PCDHGA8: variants seen among roughly 807,000 people sequenced by gnomAD.
PCDHGA8 encodes the protein protocadherin gamma subfamily A, 8, also known as protocadherin gamma-A8.
In PCDHGA8, 45 loss-of-function variants were observed where a neutral mutation model predicts 59.2. The observed-to-expected ratio is 0.76, with a 90% confidence interval of 0.60 to 0.98. The LOEUF (loss-of-function observed/expected upper bound fraction) is 0.98. PCDHGA8 is among the 50% of genes least tolerant of loss of function. The pLI, the probability that PCDHGA8 is intolerant of heterozygous loss-of-function variation, is 0.00. For synonymous variants in PCDHGA8, 531 were observed against 519.0 expected, an observed-to-expected ratio of 1.02 and a Z score of -0.32; for missense variants, 1,257 against 1,196.2, an observed-to-expected ratio of 1.05 and a Z score of -0.75.
intron 2 of PCDHGA8, among the ~76,000 whole-genome samples, chr5:141,500,939 G>T (rs2099804123): frequency 6.6e-6 from 1 of 151,680 alleles, no homozygotes; most frequent in South Asian, 2.1e-4. Context: ...CGCCATCTCG[G>T]CTCACTGCAA....
chr5:141,475,935 C>CCCGT, intron 1 of PCDHGA8: 1 of 669,050 alleles, frequency 1.5e-6, no homozygotes, highest in Middle Eastern at 4.2e-4. Flanking sequence ...CGGGCCCCTG[C>CCCGT]CCGTCCCCTT....
At chr5:141,483,694 C>T (rs915328297) in intron 1 of PCDHGA8, among the ~76,000 whole-genome samples, 3 of 151,952 alleles carry the variant, frequency 2.0e-5, no homozygotes, top group African/African-American at 4.8e-5. Flanking sequence ...AGCCAGATTC[C>T]TCTTTTTGAC....
At chr5:141,443,442 C>T (rs571341362) in intron 1 of PCDHGA8, among the ~76,000 whole-genome samples, 9 of 152,202 alleles carry the variant, frequency 5.9e-5, no homozygotes, top group East Asian at 1.9e-4. Context: ...GCTGTGGTTG[C>T]GCTCCTGTAC....
At position 141,476,764 on chromosome 5, in the gene PCDHGA8, G is replaced by A. The variant is rs570982273; in HGVS notation, c.2425-18043G>A. 1.2e-6 allele frequency: 2 copies of A among 1,613,794 alleles called. No homozygotes were observed. Reference sequence around the variant, plus strand: ...CTAGTCTCCAGTTAGTGCTGACGGCGTTGGACGGAGGGACCCCAGCTCTCT... The same window carrying A: ...CTAGTCTCCAGTTAGTGCTGACGGCATTGGACGGAGGGACCCCAGCTCTCT... On this transcript the variant is annotated intron_variant, in intron 1 of 3. Coordinates refer to ENST00000398604, the MANE Select transcript of PCDHGA8 (RefSeq NM_032088.2). The surrounding 1 kb of genome is among the most constrained non-coding windows in gnomAD (Gnocchi z 7.6).
At chr5:141,427,067 G>A (rs1170378664) in intron 1 of PCDHGA8, 1 of 457,930 alleles carries the variant, frequency 2.2e-6, no homozygotes, top group Non-Finnish European at 4.4e-6. Context: ...CTGTACTAAA[G>A]GTGACAGCCA....
chr5:141,483,648 T>TTG (rs111458813), intron 1 of PCDHGA8, among the ~76,000 whole-genome samples: 1,883 of 149,700 alleles, frequency 0.013, 19 homozygotes, highest in African/African-American at 0.023. Flanking sequence ...GGGTGTGTGT[T>TTG]TGTGTGTGTG....
chr5:141,460,951 G>GTA (rs200454978), intron 1 of PCDHGA8, among the ~76,000 whole-genome samples: 2,366 of 139,742 alleles, frequency 0.017, 20 homozygotes, highest in Middle Eastern at 0.037. Flanking sequence ...TATGTATTAT[G>GTA]TATATATATA....
chr5:141,441,836 C>T (rs1026890754), intron 1 of PCDHGA8: 2 of 354,006 alleles, frequency 5.6e-6, no homozygotes, highest in Non-Finnish European at 1.1e-5. Flanking sequence ...AATGGCTTCG[C>T]GCTCTTGGAT....
At chr5:141,410,585 G>A in intron 1 of PCDHGA8, 1 of 1,610,012 alleles carries the variant, frequency 6.2e-7, no homozygotes, top group South Asian at 1.1e-5. Flanking sequence ...TCATGGTGGG[G>A]AGGATTTGAC....
intron 2 of PCDHGA8, among the ~76,000 whole-genome samples, chr5:141,502,431 G>A (rs998074347): frequency 1.3e-5 from 2 of 151,948 alleles, no homozygotes; most frequent in African/African-American, 4.8e-5. Context: ...TTCTCTGATG[G>A]TTAGATTCAG....
Position 141,489,880 on chromosome 5 carries a change from G to A in PCDHGA8, c.2425-4927G>A. On this transcript the variant is annotated intron_variant, in intron 1 of 3. Transcript: ENST00000398604. The surrounding 1 kb of genome is among the most constrained non-coding windows in gnomAD (Gnocchi z 4.5). Reference sequence around the variant, plus strand: ...GGCAAGACATCAGCTGGTGCTTACTGCTGTGGATGGGGGGACCCCAGCCCG... The same window carrying A: ...GGCAAGACATCAGCTGGTGCTTACTACTGTGGATGGGGGGACCCCAGCCCG... 2 of 1,614,230 alleles carry A rather than the reference G, an allele frequency of 1.2e-6. No individual in the cohort carries two copies. The highest frequency in any genetic ancestry group is 1.7e-6 in the Non-Finnish European group (2 of 1,180,026).
At position 141,494,704 on chromosome 5, in the gene PCDHGA8, T is replaced by C. The variant is rs2099756232; in HGVS notation, c.2425-103T>C. Reference sequence around the variant, plus strand: ...CCCCCTCTTAGTCCGTTTTCTTCTCTGTGCCCACTCCCCTCCTTCTCTCCC... The same window carrying C: ...CCCCCTCTTAGTCCGTTTTCTTCTCCGTGCCCACTCCCCTCCTTCTCTCCC... On this transcript the variant is annotated intron_variant, in intron 1 of 3. Transcript: ENST00000398604. The C allele has an allele frequency of 3.1e-6, 5 of 1,597,570 alleles. No individual in the cohort carries two copies. The Admixed American group carries it at 8.5e-5, about 27-fold the overall frequency.
intron 1 of PCDHGA8, among the ~76,000 whole-genome samples, chr5:141,459,376 G>A (rs72790056): frequency 0.022 from 3,347 of 152,266 alleles, 53 homozygotes; most frequent in South Asian, 0.04. Flanking sequence ...TATCAGCAGC[G>A]TGTTCCATTT....
intron 1 of PCDHGA8, chr5:141,478,024 C>T: frequency 2.5e-6 from 4 of 1,614,188 alleles, no homozygotes; most frequent in Non-Finnish European, 3.4e-6. Context: ...CAGTCCAAGA[C>T]ACAGATTCAC....
At chr5:141,426,850 C>T in intron 1 of PCDHGA8, 1 of 456,734 alleles carries the variant, frequency 2.2e-6, no homozygotes. Context: ...GGCAAGAACG[C>T]TCCAGAATTA....
At position 141,415,171 on chromosome 5, in the gene PCDHGA8, G is replaced by A. The variant is rs748508713; in HGVS notation, c.2424+19934G>A. ...TCTCTCCGCCACTGTCACGCTCACC[G>A]TGGCCGTGGCCGACAGCATCCCCCA... On this transcript the variant is annotated intron_variant, in intron 1 of 3. Coordinates refer to ENST00000398604, the MANE Select transcript of PCDHGA8 (RefSeq NM_032088.2). 8 of 1,613,876 alleles carry A rather than the reference G, an allele frequency of 5.0e-6. No homozygotes were observed. In the South Asian group the frequency reaches 6.6e-5, roughly 13 times the overall value.
Position 141,489,214 on chromosome 5 carries a change from T to TA in PCDHGA8, c.2425-5592dup, listed in dbSNP as rs771766565. On this transcript the variant is annotated intron_variant, in intron 1 of 3. Transcript: ENST00000398604. This position sits in a 1 kb window ranked among gnomAD's most constrained non-coding sequence, Gnocchi z 4.5. ...CCTTGGAGACAGGACAGCACAGACTTACTCTCCACAAAGGGACTTCTGGGT... is the reference window on the plus strand; with the variant it reads ...CCTTGGAGACAGGACAGCACAGACTTAACTCTCCACAAAGGGACTTCTGGGT... 216 of 1,480,534 alleles carry TA rather than the reference T, an allele frequency of 1.5e-4. 4 individuals are homozygous for TA. The South Asian group carries it at 2.1e-3, about 14-fold the overall frequency. 91.7% of individuals were successfully genotyped at this position (1,480,534 alleles called of 1,614,324 possible).
In PCDHGA8 at chr5:141,511,032, G is replaced by C. The variant is rs779589499; in HGVS notation, c.2658G>C (p.Gln886His). Residue 886 changes from glutamine to histidine, a missense_variant, in exon 4 of 4, where the codon CAG (glutamine) becomes CAC (histidine). Gln to His is a conservative substitution (Grantham distance 24). Coordinates refer to ENST00000398604, the MANE Select transcript of PCDHGA8 (RefSeq NM_032088.2). ...SARYGPQFTL[Q>H]HVPDYRQNVY... ...GCTACGGACCCCAGTTCACCCTGCA[G>C]CACGTGCCCGACTACCGCCAGAATG... 6.2e-7 allele frequency: 1 copy of C among 1,614,228 alleles called. No individual in the cohort carries two copies. The highest frequency in any genetic ancestry group is 8.5e-7 in the Non-Finnish European group (1 of 1,180,036).
In PCDHGA8 at chr5:141,393,482, T is replaced by C. The variant is rs116240246; in HGVS notation, c.669T>C (p.Ser223=). The C allele has an allele frequency of 5.3e-4, 852 of 1,614,070 alleles. 7 individuals carry two copies. In the African/African-American group the frequency reaches 0.01, roughly 19 times the overall value. ...TASDGGKPPR[S]STVRIHVTVL... ...CGGATGGCGGCAAGCCGCCTCGCTC[T>C]AGCACAGTGCGCATCCACGTGACAG... is the stretch of plus-strand genomic sequence containing the variant. The change falls in exon 1 of 4, where the codon TCT becomes TCC. Residue 223 remains serine, a synonymous_variant. Coordinates refer to ENST00000398604, the MANE Select transcript of PCDHGA8 (RefSeq NM_032088.2).
Sources: gnomAD v4.1 joint callset for allele counts (sites outside exome capture counted in the v4.1 genomes callset) on GRCh38, gnomAD v4.1.1 for gene constraint, Gnocchi (gnomAD v3.1) non-coding constraint, MANE v1.5 for transcripts, NCBI Gene and HGNC (gene_info 2026-07-23, HGNC 2026-07-21) for gene names.